The following FBLN7 variants were observed in gnomAD, a reference collection of about 807,000 sequenced individuals.
The protein encoded by FBLN7 is fibulin 7.
FBLN7 carries 31 observed loss-of-function variants against 44.0 expected under a neutral mutation model. The observed-to-expected ratio is 0.70, with a 90% CI of 0.53 to 0.95. FBLN7 has a LOEUF of 0.95. Ranked by LOEUF, FBLN7 falls within the 40% of genes least tolerant of loss-of-function variation. FBLN7 has a pLI of 0.00. For missense variants in FBLN7, 573 were observed against 618.5 expected (o/e 0.93, Z 0.78); for synonymous variants, 262 against 253.4 (o/e 1.03, Z -0.32).
At chr2:112,164,127 G>A (rs1573798518) in intron 2 of FBLN7, among the ~76,000 whole-genome samples, 1 of 152,300 alleles carries the variant, frequency 6.6e-6, no homozygotes, top group African/African-American at 2.4e-5. Context: ...CTAGATGGTG[G>A]GCTTCCTGAG....
chr2:112,145,851 A>G (rs916314665), intron 1 of FBLN7, among the ~76,000 whole-genome samples: 1 of 152,234 alleles, frequency 6.6e-6, no homozygotes, highest in Non-Finnish European at 1.5e-5. Context: ...TCATACATGT[A>G]TGGAGAAATT....
intron 1 of FBLN7, among the ~76,000 whole-genome samples, chr2:112,150,407 C>A (rs1681102828): frequency 6.6e-6 from 1 of 152,186 alleles, no homozygotes; most frequent in East Asian, 1.9e-4. Flanking sequence ...TCCAGAGAAG[C>A]ATCAGACTGT....
chr2:112,168,735 C>A (rs1328889316), intron 3 of FBLN7, among the ~76,000 whole-genome samples: 1 of 152,232 alleles, frequency 6.6e-6, no homozygotes, highest in Non-Finnish European at 1.5e-5. Context: ...AGCACACCCA[C>A]TGCATGTTCC....
chr2:112,144,523 CTTT>C (rs35764058), intron 1 of FBLN7, among the ~76,000 whole-genome samples: 51,040 of 122,550 alleles, frequency 0.42, 8,679 homozygotes, highest in Middle Eastern at 0.56. Flanking sequence ...GTTTTCTTTT[CTTT>C]TTTTTTTTTT....
chr2:112,241,920 A>C, the FBLN7 span, among the ~76,000 whole-genome samples: 2 of 152,238 alleles, frequency 1.3e-5, no homozygotes, highest in African/African-American at 4.8e-5. Flanking sequence ...AGGGGTCCAT[A>C]GGCTTCACCA....
chr2:112,237,696 C>T, the FBLN7 span, among the ~76,000 whole-genome samples: 1 of 151,936 alleles, frequency 6.6e-6, no homozygotes, highest in Non-Finnish European at 1.5e-5. Flanking sequence ...GTGCCTCAGC[C>T]TCCAGGGTAG....
Position 112,185,216 on chromosome 2 carries a change from T to C in FBLN7, c.824T>C (p.Val275Ala). ...GKSCEDVDEC[V>A]GLQPVCPQGT... ...TGTATCTCAGATGTGGATGAATGTG[T>C]GGGCCTGCAGCCGGTGTGCCCCCAG... Residue 275 changes from valine to alanine, a missense_variant, in exon 7 of 8, where the codon GTG becomes GCG. Physicochemically the swap from Val to Ala is moderately conservative, Grantham distance 64 (BLOSUM62 0). Coordinates refer to ENST00000331203, the MANE Select transcript of FBLN7 (RefSeq NM_153214.3). 6.2e-7 allele frequency: 1 copy of C among 1,613,672 alleles called. No homozygotes were observed. The highest frequency in any genetic ancestry group is 8.5e-7 in the Non-Finnish European group (1 of 1,179,658).
Position 112,160,518 on chromosome 2 carries a change from T to G in FBLN7, c.235+683T>G, listed in dbSNP as rs528950834. On this transcript the variant is annotated intron_variant, in intron 2 of 7. Coordinates refer to ENST00000331203, the MANE Select transcript of FBLN7 (RefSeq NM_153214.3). ...TTCCCTTCCCCGTCCACAAGTTGGA[T>G]CCAGTTTTGGTTTTGTTTTCATTTT... Among the ~76,000 whole-genome samples, 4 of 152,340 alleles carry G rather than the reference T, an allele frequency of 2.6e-5. No individual in the cohort carries two copies. In the South Asian group the frequency reaches 8.3e-4, roughly 32 times the overall value.
chr2:112,238,551 A>G, the FBLN7 span: 3 of 1,570,726 alleles, frequency 1.9e-6, no homozygotes, highest in African/African-American at 2.7e-5. Context: ...TAAAACTTCA[A>G]TTTTAAAAAC....
chr2:112,165,040 A>G lies in FBLN7; in HGVS notation c.275A>G (p.Lys92Arg), dbSNP rs1682077840. 3 of 1,614,038 alleles carry G rather than the reference A, an allele frequency of 1.9e-6. No homozygotes were observed. The highest frequency in any genetic ancestry group is 2.5e-6 in the Non-Finnish European group (3 of 1,180,032). Reference sequence around the variant, plus strand: ...CTGAACACCCCCGCAGACGGCAGAAAGTTTGGAAGCAAGTACTTAGTGGAT... The same window carrying G: ...CTGAACACCCCCGCAGACGGCAGAAGGTTTGGAAGCAAGTACTTAGTGGAT... Reference protein sequence around the residue: ...PALNTPADGRKFGSKYLVDHE... With the variant: ...PALNTPADGRRFGSKYLVDHE... Residue 92 changes from lysine (K) to arginine (R), a missense_variant, in exon 3 of 8, where the codon AAG becomes AGG. By Grantham distance (26) the Lys-to-Arg change is conservative (BLOSUM62 2). Transcript: ENST00000331203.
the FBLN7 span, chr2:112,238,396 A>G: frequency 1.0e-4 from 167 of 1,613,652 alleles, no homozygotes; most frequent in Non-Finnish European, 1.4e-4. Flanking sequence ...GCTTGTATGT[A>G]CTGTTGAAGC....
At chr2:112,175,277 C>G (rs943616293) in intron 3 of FBLN7, among the ~76,000 whole-genome samples, 10 of 152,242 alleles carry the variant, frequency 6.6e-5, no homozygotes, top group Admixed American at 1.3e-4. Flanking sequence ...AATGTTTCTC[C>G]CAGGTGCTGG....
intron 5 of FBLN7, 93 bp downstream of exon 5, chr2:112,181,969 G>A: frequency 7.0e-7 from 1 of 1,437,178 alleles, no homozygotes; most frequent in East Asian, 2.9e-5. Flanking sequence ...TGCCGGCACG[G>A]GTGGCTTCCT....
chr2:112,231,514 C>T, the FBLN7 span, among the ~76,000 whole-genome samples: 4 of 152,140 alleles, frequency 2.6e-5, no homozygotes, highest in African/African-American at 9.7e-5. Flanking sequence ...AACTTTCCTT[C>T]CAAGAATCTT....
Position 112,181,716 on chromosome 2 carries a change from C to T in FBLN7, c.533-23C>T, listed in dbSNP as rs1325391513. 2.9e-6 allele frequency: 4 copies of T among 1,369,096 alleles called. No homozygotes were observed. The East Asian group carries it at 9.2e-5, about 32-fold the overall frequency. The allele number at this position is 1,369,096 out of a possible 1,614,324, so 84.8% of individuals were successfully genotyped here. The stretch of plus-strand genomic sequence containing the variant: ...ACGGCAGGTGCGCCAGGGCCCGGCA[C>T]TGAGCGTGTCTTCTCCCCGCAGCCG... On this transcript the variant is annotated intron_variant, in intron 4 of 7. Coordinates refer to ENST00000331203, the MANE Select transcript of FBLN7 (RefSeq NM_153214.3).
intron 1 of FBLN7, among the ~76,000 whole-genome samples, chr2:112,155,353 T>C (rs1573777652): frequency 6.6e-6 from 1 of 152,292 alleles, no homozygotes; most frequent in Admixed American, 6.5e-5. Context: ...GGACCTGCCC[T>C]GTTAGGAGCA....
chr2:112,183,885 G>A (rs1204752641), intron 6 of FBLN7, among the ~76,000 whole-genome samples: 1 of 152,130 alleles, frequency 6.6e-6, no homozygotes, highest in Non-Finnish European at 1.5e-5. Context: ...GAACAGAGAG[G>A]CTGAGAACCC....
rs1012818705 is a variant in FBLN7 at position 112,158,162 on chromosome 2, G to T, written c.76-1514G>T. 1.1e-4 allele frequency among the ~76,000 whole-genome samples: 16 copies of T among 152,188 alleles called. No homozygotes were observed. In the East Asian group the frequency reaches 3.1e-3, roughly 30 times the overall value. On this transcript the variant is annotated intron_variant, in intron 1 of 7. Coordinates refer to ENST00000331203, the MANE Select transcript of FBLN7 (RefSeq NM_153214.3). ...TCCGCCCGCCTCGGCCTCCCAAAGT[G>T]CTGGGATTACAGGCGTGAGCCACCG...
intron 3 of FBLN7, among the ~76,000 whole-genome samples, chr2:112,174,133 G>GT (rs1425906986): frequency 1.3e-5 from 2 of 152,216 alleles, no homozygotes; most frequent in Admixed American, 1.3e-4. Flanking sequence ...TCACGGCCTA[G>GT]TGATCTGCCC....
Sources: allele counts gnomAD v4.1 joint callset (sites outside exome capture counted in the v4.1 genomes callset), GRCh38; gene constraint gnomAD v4.1.1; transcripts MANE v1.5; gene names NCBI Gene and HGNC (gene_info 2026-07-23, HGNC 2026-07-21).